The following CNTNAP2 variants were observed in gnomAD, a reference collection of about 807,000 sequenced individuals.
The protein encoded by CNTNAP2 is contactin associated protein 2.
CNTNAP2 carries 98 observed loss-of-function variants against 155.2 expected under a neutral mutation model. The observed-to-expected ratio is 0.63, with a 90% CI of 0.54 to 0.75. The LOEUF (loss-of-function observed/expected upper bound fraction) is 0.75. Ranked by LOEUF, CNTNAP2 falls within the 30% of genes least tolerant of loss-of-function variation. CNTNAP2 has a pLI of 0.00. For missense variants in CNTNAP2, 1,727 were observed against 1,688.1 expected (o/e 1.02, Z -0.40); for synonymous variants, 651 against 631.2 (o/e 1.03, Z -0.47).
At chr7:147,033,185 T>TGGA in intron 3 of CNTNAP2, among the ~76,000 whole-genome samples, 2 of 106,200 alleles carry the variant, frequency 1.9e-5, no homozygotes, top group East Asian at 2.8e-4. Context: ...TATATATATA[T>TGGA]ATATATATAT....
Position 147,382,446 on chromosome 7 carries a change from G to T in CNTNAP2, c.1499-13163G>T, listed in dbSNP as rs190641191. ...GAAGTGCCAGGATCAACTCTTGATTGATTAATATGCACAAACTTATTGATA... is the reference window on the plus strand; with the variant it reads ...GAAGTGCCAGGATCAACTCTTGATTTATTAATATGCACAAACTTATTGATA... On this transcript the variant is annotated intron_variant, in intron 9 of 23. Coordinates refer to ENST00000361727, the MANE Select transcript of CNTNAP2 (RefSeq NM_014141.6). Among the ~76,000 whole-genome samples, 59 of 152,262 alleles carry T rather than the reference G, an allele frequency of 3.9e-4. 2 individuals are homozygous for T. The highest frequency in any genetic ancestry group is 8.8e-5 in the Non-Finnish European group (6 of 68,020).
At chr7:146,471,371 G>GTA (rs2129126659) in intron 1 of CNTNAP2, among the ~76,000 whole-genome samples, 1 of 152,356 alleles carries the variant, frequency 6.6e-6, no homozygotes, top group South Asian at 2.1e-4. Flanking sequence ...TGTATGAGCT[G>GTA]TATACATTTT....
At chr7:147,288,887 TA>T (rs1805240344) in intron 8 of CNTNAP2, among the ~76,000 whole-genome samples, 1 of 152,176 alleles carries the variant, frequency 6.6e-6, no homozygotes, top group Non-Finnish European at 1.5e-5. Context: ...GTTCCTTTTC[TA>T]AAACCTCCAA....
At chr7:146,797,515 A>C (rs1585095141) in intron 2 of CNTNAP2, among the ~76,000 whole-genome samples, 1 of 152,222 alleles carries the variant, frequency 6.6e-6, no homozygotes, top group Non-Finnish European at 1.5e-5. Flanking sequence ...GGATGAACTG[A>C]ATTAGGACAA....
intron 1 of CNTNAP2, among the ~76,000 whole-genome samples, chr7:146,772,699 G>A (rs1381631339): frequency 1.3e-5 from 2 of 151,758 alleles, no homozygotes; most frequent in African/African-American, 4.8e-5. Context: ...AAAGAGGAAA[G>A]GGGCCATGGT....
intron 12 of CNTNAP2, among the ~76,000 whole-genome samples, chr7:147,613,151 G>C (rs1362537709): frequency 6.6e-6 from 1 of 152,008 alleles, no homozygotes; most frequent in Non-Finnish European, 1.5e-5. Context: ...AAGAACTCTG[G>C]ATACAGCCAC....
intron 15 of CNTNAP2, among the ~76,000 whole-genome samples, chr7:148,085,675 T>C (rs1803711875): frequency 6.6e-6 from 1 of 152,088 alleles, no homozygotes; most frequent in South Asian, 2.1e-4. Flanking sequence ...TATTCTTTCT[T>C]CCTTTCTTTT....
intron 9 of CNTNAP2, among the ~76,000 whole-genome samples, chr7:147,329,147 CA>C (rs200322211): frequency 6.8e-6 from 1 of 147,542 alleles, no homozygotes; most frequent in Non-Finnish European, 1.5e-5. Context: ...CACCCCCCCA[CA>C]CACACACACA....
intron 13 of CNTNAP2, among the ~76,000 whole-genome samples, chr7:147,744,270 C>T (rs1797001780): frequency 6.6e-6 from 1 of 152,052 alleles, no homozygotes; most frequent in South Asian, 2.1e-4. Context: ...GAGCCATCTG[C>T]CCCTTTTTAC....
chr7:146,390,909 A>T (rs1795531925), intron 1 of CNTNAP2, among the ~76,000 whole-genome samples: 1 of 149,296 alleles, frequency 6.7e-6, no homozygotes, highest in Non-Finnish European at 1.5e-5. Context: ...TCTACTAAAA[A>T]TACAAAAATT....
chr7:147,994,967 T>C (rs899726054), intron 15 of CNTNAP2, among the ~76,000 whole-genome samples: 3 of 152,092 alleles, frequency 2.0e-5, no homozygotes, highest in Non-Finnish European at 4.4e-5. Context: ...CAAAGCAAAG[T>C]CAGCAAAAGG....
chr7:148,258,265 G>A (rs1445406474), intron 20 of CNTNAP2, among the ~76,000 whole-genome samples: 6 of 152,152 alleles, frequency 3.9e-5, no homozygotes, highest in Admixed American at 1.3e-4. Flanking sequence ...AACCCACAGG[G>A]TTACGGTCTC....
chr7:147,145,284 A>AC (rs1481426359), intron 8 of CNTNAP2, among the ~76,000 whole-genome samples: 1 of 151,888 alleles, frequency 6.6e-6, no homozygotes, highest in Admixed American at 6.6e-5. Context: ...AGTGATTTTG[A>AC]CCCCCAGGGG....
In CNTNAP2 at chr7:146,809,007, G is replaced by A. The variant is rs541727204; in HGVS notation, c.209-30704G>A. ...GTTGTTTCCATATCTTGGCTATTGG[G>A]AATAATGTTGCAAAAAGCATAAAAA... On this transcript the variant is annotated intron_variant, in intron 2 of 23. Coordinates refer to ENST00000361727, the MANE Select transcript of CNTNAP2 (RefSeq NM_014141.6). Among the ~76,000 whole-genome samples the A allele has an allele frequency of 2.6e-5, 4 of 152,192 alleles. No homozygotes were observed. The South Asian group carries it at 8.3e-4, about 32-fold the overall frequency.
At chr7:147,480,922 A>G (rs1173689217) in intron 10 of CNTNAP2, among the ~76,000 whole-genome samples, 1 of 152,196 alleles carries the variant, frequency 6.6e-6, no homozygotes, top group African/African-American at 2.4e-5. Context: ...TAAGATTTTC[A>G]AGAGATTCCT....
intron 12 of CNTNAP2, among the ~76,000 whole-genome samples, chr7:147,575,931 T>C (rs891471939): frequency 6.6e-6 from 1 of 152,020 alleles, no homozygotes; most frequent in African/African-American, 2.4e-5. Context: ...CAAACAGATA[T>C]TAACATTCTC....
intron 3 of CNTNAP2, among the ~76,000 whole-genome samples, chr7:146,960,029 C>T (rs1021261798): frequency 4.6e-5 from 7 of 152,252 alleles, no homozygotes; most frequent in South Asian, 2.1e-4. Context: ...GTTGTCCACT[C>T]GCAAATGTTT....
intron 18 of CNTNAP2, among the ~76,000 whole-genome samples, chr7:148,179,012 G>T (rs1416820413): frequency 6.6e-6 from 1 of 152,214 alleles, no homozygotes; most frequent in Non-Finnish European, 1.5e-5. Context: ...TTTGGTCACA[G>T]TAAAAGTATT....
intron 13 of CNTNAP2, among the ~76,000 whole-genome samples, chr7:147,682,009 G>T (rs1265531775): frequency 6.6e-6 from 1 of 151,760 alleles, no homozygotes; most frequent in African/African-American, 2.4e-5. Context: ...TTACTGAAGA[G>T]AAATAGAAAA....
Sources: gnomAD v4.1 joint callset for allele counts (sites outside exome capture counted in the v4.1 genomes callset) on GRCh38, gnomAD v4.1.1 for gene constraint, MANE v1.5 for transcripts, NCBI Gene and HGNC (gene_info 2026-07-23, HGNC 2026-07-21) for gene names.